Variants in SMIM38 observed in about 807,000 individuals in gnomAD.
The protein encoded by SMIM38 is small integral membrane protein 38.
In SMIM38 at chr11:69,159,930, G is replaced by A. The variant is rs1433124655; in HGVS notation, c.*1834G>A. Reference sequence around the variant, plus strand: ...CAGAGCTAGGAGGGCCAGCTGTTCCGGGTTGCCCAGGGCTGTCTTGTTTTT... The same window carrying A: ...CAGAGCTAGGAGGGCCAGCTGTTCCAGGTTGCCCAGGGCTGTCTTGTTTTT... On this transcript the variant is annotated 3_prime_UTR_variant, in exon 3 of 3. Transcript: ENST00000686237. 6.6e-6 allele frequency: 1 copy of A among 152,164 alleles called. No individual in the cohort carries two copies. The highest frequency in any genetic ancestry group is 2.4e-5 in the African/African-American group (1 of 41,444). 9.4% of individuals were successfully genotyped at this position (152,164 alleles called of 1,614,324 possible).
Position 69,160,894 on chromosome 11 carries a change from C to T in SMIM38, c.*2798C>T, listed in dbSNP as rs972598626. The T allele has an allele frequency of 3.3e-5, 5 of 152,290 alleles. No homozygotes were observed. The highest frequency in any genetic ancestry group is 1.2e-4 in the African/African-American group (5 of 41,548). The allele number at this position is 152,290 out of a possible 1,614,324, so 9.4% of individuals were successfully genotyped here. ...TGCATTCAGCTGCAGGTAACAGACA[C>T]GTAGACAAACAGTGGCTTAAAAAAG... On this transcript the variant is annotated 3_prime_UTR_variant, in exon 3 of 3. Transcript: ENST00000686237.
chr11:69,157,628 G>T lies in SMIM38; in HGVS notation c.-219G>T. ...CTCTCACATGCCAGGGAGGCCCCGGGCTGGAGTCTGGCGGGCAGATCTGGC... is the reference window on the plus strand; with the variant it reads ...CTCTCACATGCCAGGGAGGCCCCGGTCTGGAGTCTGGCGGGCAGATCTGGC... On this transcript the variant is annotated 5_prime_UTR_variant, in exon 2 of 3. Transcript: ENST00000686237. The T allele has an allele frequency of 7.7e-6, 3 of 391,794 alleles. No individual in the cohort carries two copies. The highest frequency in any genetic ancestry group is 4.5e-6 in the Non-Finnish European group (1 of 222,218). The allele number at this position is 391,794 out of a possible 1,614,324, so 24.3% of individuals were successfully genotyped here. A position where few individuals can be genotyped will look rare whatever the true frequency, so the allele number is the denominator to read the frequency against.
At position 69,162,008 on chromosome 11, in the gene SMIM38, TGA is replaced by T. The variant is rs1213439843; in HGVS notation, c.*3916_*3917del. 1 of 152,106 alleles carries T rather than the reference TGA, an allele frequency of 6.6e-6. No homozygotes were observed. Among genetic ancestry groups the T allele is most frequent in the East Asian group, 1.9e-4 (1 of 5,182 alleles). 9.4% of individuals were successfully genotyped at this position (152,106 alleles called of 1,614,324 possible). ...GAAAATGGCCACGTACAAGCCAAGATGAGAGGACTCAGGAAGAACCAGCCGAC... is the reference window on the plus strand; with the variant it reads ...GAAAATGGCCACGTACAAGCCAAGATGAGGACTCAGGAAGAACCAGCCGAC... On this transcript the variant is annotated 3_prime_UTR_variant, in exon 3 of 3. Coordinates refer to ENST00000686237, the MANE Select transcript of SMIM38 (RefSeq NM_001369201.2).
Position 69,158,097 on chromosome 11 carries a change from A to T in SMIM38, c.*95A>T, listed in dbSNP as rs1204469355. 2.5e-6 allele frequency: 1 copy of T among 397,788 alleles called. No homozygotes were observed. Among genetic ancestry groups the T allele is most frequent in the Non-Finnish European group, 4.4e-6 (1 of 225,986 alleles). The allele number at this position is 397,788 out of a possible 1,614,324, so 24.6% of individuals were successfully genotyped here. A position where few individuals can be genotyped will look rare whatever the true frequency, so the allele number is the denominator to read the frequency against. On this transcript the variant is annotated 3_prime_UTR_variant, in exon 2 of 3. Coordinates refer to ENST00000686237, the MANE Select transcript of SMIM38 (RefSeq NM_001369201.2). The stretch of plus-strand genomic sequence containing the variant: ...GGGAGGGGAGCAGGGCAGGCGCATG[A>T]TCCCCATGTCCCACCCCTGGGGCAG...
chr11:69,159,922 G>GCTGTTCC lies in SMIM38; in HGVS notation c.*1827_*1833dup, dbSNP rs1399270070. On this transcript the variant is annotated 3_prime_UTR_variant, in exon 3 of 3. Coordinates refer to ENST00000686237, the MANE Select transcript of SMIM38 (RefSeq NM_001369201.2). ...TGTACCGACAGAGCTAGGAGGGCCA[G>GCTGTTCC]CTGTTCCGGGTTGCCCAGGGCTGTC... 1.3e-5 allele frequency: 2 copies of GCTGTTCC among 152,236 alleles called. No homozygotes were observed. The highest frequency in any genetic ancestry group is 2.4e-5 in the African/African-American group (1 of 41,464). 9.4% of individuals were successfully genotyped at this position (152,236 alleles called of 1,614,324 possible). A position where few individuals can be genotyped will look rare whatever the true frequency, so the allele number is the denominator to read the frequency against.
At chr11:69,156,662 G>A (rs1856991413) in intron 1 of SMIM38, among the ~76,000 whole-genome samples, 1 of 152,164 alleles carries the variant, frequency 6.6e-6, no homozygotes, top group African/African-American at 2.4e-5. Flanking sequence ...TTTCAGAAAA[G>A]ATGTGGAGGC....
Position 69,159,941 on chromosome 11 carries a change from G to T in SMIM38, c.*1845G>T, listed in dbSNP as rs1381000003. Reference sequence around the variant, plus strand: ...GGGCCAGCTGTTCCGGGTTGCCCAGGGCTGTCTTGTTTTTAAAATGGAAAG... The same window carrying T: ...GGGCCAGCTGTTCCGGGTTGCCCAGTGCTGTCTTGTTTTTAAAATGGAAAG... On this transcript the variant is annotated 3_prime_UTR_variant, in exon 3 of 3. Transcript: ENST00000686237. The T allele has an allele frequency of 6.6e-6, 1 of 152,196 alleles. No homozygotes were observed. The highest frequency in any genetic ancestry group is 2.4e-5 in the African/African-American group (1 of 41,448). 9.4% of individuals were successfully genotyped at this position (152,196 alleles called of 1,614,324 possible).
chr11:69,158,196 TGTG>T lies in SMIM38; in HGVS notation c.*196_*198del, dbSNP rs1316107945. ...GCTGTCCCGTAGAGGCAGCTGGCCA[TGTG>T]GGGAGATGGAGGGGCCGGCCTTGCA... On this transcript the variant is annotated 3_prime_UTR_variant, in exon 2 of 3. Transcript: ENST00000686237. 2 of 390,422 alleles carry T rather than the reference TGTG, an allele frequency of 5.1e-6. No individual in the cohort carries two copies. Among genetic ancestry groups the T allele is most frequent in the Non-Finnish European group, 9.0e-6 (2 of 221,610 alleles). The allele number at this position is 390,422 out of a possible 1,614,324, so 24.2% of individuals were successfully genotyped here.
Position 69,161,226 on chromosome 11 carries a change from C to T in SMIM38, c.*3130C>T, listed in dbSNP as rs546770826. The T allele has an allele frequency of 6.6e-5, 10 of 152,228 alleles. No homozygotes were observed. Among genetic ancestry groups the T allele is most frequent in the Non-Finnish European group, 1.3e-4 (9 of 68,034 alleles). The allele number at this position is 152,228 out of a possible 1,614,324, so 9.4% of individuals were successfully genotyped here. A position where few individuals can be genotyped will look rare whatever the true frequency, so the allele number is the denominator to read the frequency against. The stretch of plus-strand genomic sequence containing the variant: ...AGCCAGAATGATGTCACGTGGCATC[C>T]CTGGATGCACAGGAGGCTGAGAGAT... On this transcript the variant is annotated 3_prime_UTR_variant, in exon 3 of 3. Transcript: ENST00000686237.
Position 69,157,690 on chromosome 11 carries a change from T to G in SMIM38, c.-157T>G. 1 of 396,052 alleles carries G rather than the reference T, an allele frequency of 2.5e-6. No homozygotes were observed. Among genetic ancestry groups the G allele is most frequent in the Non-Finnish European group, 4.4e-6 (1 of 225,048 alleles). The allele number at this position is 396,052 out of a possible 1,614,324, so 24.5% of individuals were successfully genotyped here. On this transcript the variant is annotated 5_prime_UTR_variant, in exon 2 of 3. Coordinates refer to ENST00000686237, the MANE Select transcript of SMIM38 (RefSeq NM_001369201.2). ...CACCAGAGAGAACAGGGCGGTCCCT[T>G]GGGGGCGCCGGCTGCAGAGGCCCCA...
In SMIM38 at chr11:69,159,972, T is replaced by C. The variant is rs1857036586; in HGVS notation, c.*1876T>C. 1 of 152,206 alleles carries C rather than the reference T, an allele frequency of 6.6e-6. No homozygotes were observed. The highest frequency in any genetic ancestry group is 1.5e-5 in the Non-Finnish European group (1 of 68,040). The allele number at this position is 152,206 out of a possible 1,614,324, so 9.4% of individuals were successfully genotyped here. ...CTTGTTTTTAAAATGGAAAGTTCGATGTCCTGGAAAACCCCTCAGTCCTGG... is the reference window on the plus strand; with the variant it reads ...CTTGTTTTTAAAATGGAAAGTTCGACGTCCTGGAAAACCCCTCAGTCCTGG... On this transcript the variant is annotated 3_prime_UTR_variant, in exon 3 of 3. Coordinates refer to ENST00000686237, the MANE Select transcript of SMIM38 (RefSeq NM_001369201.2).
Position 69,160,037 on chromosome 11 carries a change from A to G in SMIM38, c.*1941A>G, listed in dbSNP as rs954328821. On this transcript the variant is annotated 3_prime_UTR_variant, in exon 3 of 3. Transcript: ENST00000686237. ...GCTGGATAGAAGGAGTTAGACATTC[A>G]TATGATGTGCCGATGTCTTGCCAGT... 2 of 152,244 alleles carry G rather than the reference A, an allele frequency of 1.3e-5. No individual in the cohort carries two copies. Among genetic ancestry groups the G allele is most frequent in the Admixed American group, 6.5e-5 (1 of 15,294 alleles). The allele number at this position is 152,244 out of a possible 1,614,324, so 9.4% of individuals were successfully genotyped here. A position where few individuals can be genotyped will look rare whatever the true frequency, so the allele number is the denominator to read the frequency against.
rs1857061005 is a variant in SMIM38, at chr11:69,162,360, A to G, written c.*4264A>G. The G allele has an allele frequency of 1.3e-5, 2 of 152,200 alleles. No individual in the cohort carries two copies. Among genetic ancestry groups the G allele is most frequent in the Non-Finnish European group, 2.9e-5 (2 of 68,038 alleles). The allele number at this position is 152,200 out of a possible 1,614,324, so 9.4% of individuals were successfully genotyped here. ...GCACAGAAAAATAATGTAAAATCTCATTAGTAATGGTTTTATATTGATTAC... is the reference window on the plus strand; with the variant it reads ...GCACAGAAAAATAATGTAAAATCTCGTTAGTAATGGTTTTATATTGATTAC... On this transcript the variant is annotated 3_prime_UTR_variant, in exon 3 of 3. Coordinates refer to ENST00000686237, the MANE Select transcript of SMIM38 (RefSeq NM_001369201.2).
In SMIM38 at chr11:69,158,799, G is replaced by C. The variant is rs114762280; in HGVS notation, c.*797G>C. The C allele has an allele frequency of 1.3e-5, 2 of 152,344 alleles. No individual in the cohort carries two copies. Among genetic ancestry groups the C allele is most frequent in the African/African-American group, 2.4e-5 (1 of 41,458 alleles). 9.4% of individuals were successfully genotyped at this position (152,344 alleles called of 1,614,324 possible). ...GTTGATTTGAGGCCAAGCATCCAGT[G>C]CTCCTGCTCCACCTCCGTAGCACGT... is the stretch of plus-strand genomic sequence containing the variant. On this transcript the variant is annotated 3_prime_UTR_variant, in exon 2 of 3. Transcript: ENST00000686237.
rs1857002657 is a variant in SMIM38, at chr11:69,157,419, C to A, written c.-428C>A. 1 of 157,186 alleles carries A rather than the reference C, an allele frequency of 6.4e-6. No individual in the cohort carries two copies. Among genetic ancestry groups the A allele is most frequent in the African/African-American group, 2.4e-5 (1 of 41,662 alleles). The allele number at this position is 157,186 out of a possible 1,614,324, so 9.7% of individuals were successfully genotyped here. A position where few individuals can be genotyped will look rare whatever the true frequency, so the allele number is the denominator to read the frequency against. ...CAGCAGCTGCCGCCGGGGATGTTTGCAGATTACGTCAGCGCTGGCGAGCAG... is the reference window on the plus strand; with the variant it reads ...CAGCAGCTGCCGCCGGGGATGTTTGAAGATTACGTCAGCGCTGGCGAGCAG... On this transcript the variant is annotated 5_prime_UTR_variant, in exon 2 of 3. Coordinates refer to ENST00000686237, the MANE Select transcript of SMIM38 (RefSeq NM_001369201.2).
At position 69,162,082 on chromosome 11, in the gene SMIM38, A is replaced by G. The variant is rs1857058725; in HGVS notation, c.*3986A>G. On this transcript the variant is annotated 3_prime_UTR_variant, in exon 3 of 3. Transcript: ENST00000686237. Reference sequence around the variant, plus strand: ...AACATAGATGTCTGCTGTTTGAGCCACCCTGTCTGCAAGCAGTCAGCAAGC... The same window carrying G: ...AACATAGATGTCTGCTGTTTGAGCCGCCCTGTCTGCAAGCAGTCAGCAAGC... The G allele has an allele frequency of 6.6e-6, 1 of 152,090 alleles. No homozygotes were observed. The highest frequency in any genetic ancestry group is 2.4e-5 in the African/African-American group (1 of 41,412). 9.4% of individuals were successfully genotyped at this position (152,090 alleles called of 1,614,324 possible).
At position 69,157,962 on chromosome 11, in the gene SMIM38, G is replaced by GAC. The variant is rs1857010658; in HGVS notation, c.117_118dup (p.Leu40HisfsTer68). On this transcript the variant is annotated frameshift_variant, in exon 2 of 3. Transcript: ENST00000686237. LOFTEE classifies it high-confidence loss of function. Reference sequence around the variant, plus strand: ...TGCCTCGGGACCTACATCGACTACAGACTGGCCCAGCGGCGGCCCCAGAAA... The same window carrying GAC: ...TGCCTCGGGACCTACATCGACTACAGACACTGGCCCAGCGGCGGCCCCAGAAA... 5.0e-6 allele frequency: 2 copies of GAC among 398,950 alleles called. No individual in the cohort carries two copies. The highest frequency in any genetic ancestry group is 4.1e-5 in the African/African-American group (2 of 48,642). 24.7% of individuals were successfully genotyped at this position (398,950 alleles called of 1,614,324 possible). A position where few individuals can be genotyped will look rare whatever the true frequency, so the allele number is the denominator to read the frequency against.
rs1045240699 is a variant in SMIM38, at chr11:69,158,724, C to G, written c.*722C>G. The G allele has an allele frequency of 3.9e-5, 6 of 152,374 alleles. No individual in the cohort carries two copies. The highest frequency in any genetic ancestry group is 1.4e-4 in the African/African-American group (6 of 41,454). The allele number at this position is 152,374 out of a possible 1,614,324, so 9.4% of individuals were successfully genotyped here. A position where few individuals can be genotyped will look rare whatever the true frequency, so the allele number is the denominator to read the frequency against. The stretch of plus-strand genomic sequence containing the variant: ...ATCAATGCCCTCTGTTCATCTGTTC[C>G]TGCAAGTGTGTGGCTGGGAAGTGCC... On this transcript the variant is annotated 3_prime_UTR_variant, in exon 2 of 3. Coordinates refer to ENST00000686237, the MANE Select transcript of SMIM38 (RefSeq NM_001369201.2).
Position 69,160,941 on chromosome 11 carries a change from T to C in SMIM38, c.*2845T>C, listed in dbSNP as rs893152228. The C allele has an allele frequency of 1.3e-5, 2 of 152,198 alleles. No homozygotes were observed. Among genetic ancestry groups the C allele is most frequent in the Non-Finnish European group, 2.9e-5 (2 of 68,036 alleles). 9.4% of individuals were successfully genotyped at this position (152,198 alleles called of 1,614,324 possible). ...AAAGAGAGGCTTTAAAAGTATTTTG[T>C]TTTTCTTTCTTCACGTAGCAAGAAG... On this transcript the variant is annotated 3_prime_UTR_variant, in exon 3 of 3. Transcript: ENST00000686237.
Sources: gnomAD v4.1 joint callset for allele counts (sites outside exome capture counted in the v4.1 genomes callset) on GRCh38, gnomAD v4.1.1 for gene constraint, MANE v1.5 for transcripts, NCBI Gene and HGNC (gene_info 2026-07-23, HGNC 2026-07-21) for gene names.